Variants in LIN52 observed in about 807,000 individuals in gnomAD.
The protein encoded by LIN52 is protein lin-52 homolog.
A neutral mutation model predicts 18.5 loss-of-function variants in LIN52; 4 were observed. The observed-to-expected ratio is 0.22, with a 90% CI of 0.11 to 0.49. The LOEUF (loss-of-function observed/expected upper bound fraction) is 0.49. LIN52 is among the 20% of genes least tolerant of loss of function. The pLI, the probability that LIN52 is intolerant of heterozygous loss-of-function variation, is 0.97. For missense variants in LIN52, 102 were observed against 139.5 expected, an observed-to-expected ratio of 0.73 and a Z score of 1.35; for synonymous variants, 34 against 45.5, an observed-to-expected ratio of 0.75 and a Z score of 1.02.
intron 4 of LIN52, 63 bp downstream of exon 4, chr14:74,097,923 A>T (rs770225034): frequency 5.5e-5 from 60 of 1,098,068 alleles, no homozygotes; most frequent in Non-Finnish European, 6.1e-5. Context: ...CCACCTCTCT[A>T]TTTTTTTTTT....
intron 5 of LIN52, among the ~76,000 whole-genome samples, chr14:74,131,477 A>T (rs1262733503): frequency 6.6e-6 from 1 of 151,290 alleles, no homozygotes; most frequent in African/African-American, 2.4e-5. Flanking sequence ...TGCCACCACG[A>T]CTGGCTAACT....
chr14:74,120,839 T>C (rs986951457), intron 5 of LIN52, among the ~76,000 whole-genome samples: 1 of 151,798 alleles, frequency 6.6e-6, no homozygotes, highest in African/African-American at 2.4e-5. Context: ...GGAGAATCAC[T>C]TGAACCCAGG....
intron 5 of LIN52, among the ~76,000 whole-genome samples, chr14:74,116,433 C>G (rs953654656): frequency 3.9e-5 from 6 of 152,072 alleles, no homozygotes; most frequent in African/African-American, 1.4e-4. Context: ...GGGCTGGCCA[C>G]TGTGGCTTAC....
intron 5 of LIN52, among the ~76,000 whole-genome samples, chr14:74,170,735 T>G (rs1235085676): frequency 2.0e-5 from 3 of 152,022 alleles, no homozygotes; most frequent in African/African-American, 7.2e-5. Flanking sequence ...AGATATAAAC[T>G]GTCCAGAATT....
chr14:74,145,689 A>G (rs1270833931), intron 5 of LIN52, among the ~76,000 whole-genome samples: 1 of 152,252 alleles, frequency 6.6e-6, no homozygotes, highest in Non-Finnish European at 1.5e-5. Context: ...AACTATAGTA[A>G]TTAAAGATAG....
Position 74,097,840 on chromosome 14 carries a change from A to G in LIN52, c.179A>G (p.Asp60Gly), listed in dbSNP as rs1341868203. Residue 60 changes from aspartate to glycine, a missense_variant, in exon 4 of 6, where the codon GAT (aspartate) becomes GGT (glycine). Physicochemically the swap from Asp to Gly is moderately conservative, Grantham distance 94. Transcript: ENST00000555028. ...PPKWMAEIERDDIDMLKELGS... is the reference protein window; with the variant it reads ...PPKWMAEIERGDIDMLKELGS... The stretch of plus-strand genomic sequence containing the variant: ...AAATGGATGGCTGAGATAGAACGTG[A>G]TGACATCGACATGTTGAAAGGTAAG... The G allele has an allele frequency of 1.9e-6, 3 of 1,613,226 alleles. No homozygotes were observed. Among genetic ancestry groups the G allele is most frequent in the South Asian group, 1.1e-5 (1 of 91,056 alleles).
intron 5 of LIN52, among the ~76,000 whole-genome samples, chr14:74,172,308 C>T (rs545090723): frequency 4.6e-5 from 7 of 152,274 alleles, no homozygotes; most frequent in Admixed American, 1.3e-4. Flanking sequence ...TAAGGCCACC[C>T]GGATCCAGTG....
At chr14:74,109,368 C>G (rs2060914214) in intron 5 of LIN52, among the ~76,000 whole-genome samples, 1 of 152,212 alleles carries the variant, frequency 6.6e-6, no homozygotes, top group Non-Finnish European at 1.5e-5. Context: ...CCCATAGTCT[C>G]ACCTACTCAG....
intron 2 of LIN52, among the ~76,000 whole-genome samples, chr14:74,092,938 CTTAT>C (rs929287980): frequency 4.0e-5 from 6 of 151,450 alleles, no homozygotes; most frequent in South Asian, 4.2e-4. Context: ...CCAAACTACA[CTTAT>C]TTGTTTGTTT....
At chr14:74,089,274 T>C (rs1250687991) in intron 1 of LIN52, among the ~76,000 whole-genome samples, 1 of 152,138 alleles carries the variant, frequency 6.6e-6, no homozygotes, top group East Asian at 1.9e-4. Flanking sequence ...GTTTTTGATC[T>C]GAGAATTGGA....
chr14:74,085,056 C>T, intron 1 of LIN52, 63 bp downstream of exon 1: 3 of 1,284,088 alleles, frequency 2.3e-6, no homozygotes, highest in Non-Finnish European at 3.0e-6. Flanking sequence ...GGAACATCCA[C>T]TCTGTCTCTG....
chr14:74,107,157 A>G (rs968975570), intron 5 of LIN52, among the ~76,000 whole-genome samples: 6 of 152,156 alleles, frequency 3.9e-5, no homozygotes, highest in African/African-American at 1.4e-4. Context: ...TGAAGGTCTT[A>G]TTTCTGGAAT....
intron 5 of LIN52, among the ~76,000 whole-genome samples, chr14:74,165,504 T>C (rs1226807604): frequency 7.6e-6 from 1 of 131,912 alleles, no homozygotes; most frequent in East Asian, 2.4e-4. Flanking sequence ...GAATTACAGG[T>C]TTTCTTTTCT....
chr14:74,125,145 G>C (rs566813912), intron 5 of LIN52, among the ~76,000 whole-genome samples: 1 of 152,270 alleles, frequency 6.6e-6, no homozygotes, highest in Non-Finnish European at 1.5e-5. Context: ...TGGGATGGCT[G>C]GGTCAAATGG....
chr14:74,136,454 G>A (rs1246531133), intron 5 of LIN52, among the ~76,000 whole-genome samples: 2 of 152,152 alleles, frequency 1.3e-5, no homozygotes, highest in Non-Finnish European at 2.9e-5. Context: ...AAAATAGTTT[G>A]AAAGGTGGGG....
At chr14:74,131,319 CT>C (rs34203200) in intron 5 of LIN52, among the ~76,000 whole-genome samples, 3,465 of 137,898 alleles carry the variant, frequency 0.025, 106 homozygotes, top group African/African-American at 0.08. Flanking sequence ...ATTTAAGTGA[CT>C]TTTTTTTTTT....
rs142010108 is a variant in LIN52 at position 74,099,825 on chromosome 14, T to G, written c.200-1330T>G. ...CACAAGATCAGATGAACCAGTTTAT[T>G]GATCTGGGTGGTACCAACTGATCCA... is the stretch of plus-strand genomic sequence containing the variant. On this transcript the variant is annotated intron_variant, in intron 4 of 5. Transcript: ENST00000555028. Among the ~76,000 whole-genome samples, 24 of 152,278 alleles carry G rather than the reference T, an allele frequency of 1.6e-4. 1 individual carries two copies. The highest frequency in any genetic ancestry group is 5.8e-4 in the African/African-American group (24 of 41,552).
intron 5 of LIN52, among the ~76,000 whole-genome samples, chr14:74,134,046 A>C (rs1041955015): frequency 1.1e-4 from 17 of 152,196 alleles, no homozygotes; most frequent in Non-Finnish European, 4.4e-5. Context: ...GAAATGAAGG[A>C]GGTACACGGG....
chr14:74,182,828 C>T (rs17097979), intron 5 of LIN52, among the ~76,000 whole-genome samples: 20,935 of 151,984 alleles, frequency 0.14, 2,029 homozygotes, highest in East Asian at 0.58. Context: ...CATGTTAAGC[C>T]GGGCAGTTTC....
Sources: allele counts gnomAD v4.1 joint callset (sites outside exome capture counted in the v4.1 genomes callset), GRCh38; gene constraint gnomAD v4.1.1; transcripts MANE v1.5; gene names NCBI Gene and HGNC (gene_info 2026-07-23, HGNC 2026-07-21).